The following OPCML variants were observed in gnomAD, a reference collection of about 807,000 sequenced individuals.
OPCML encodes the protein opioid-binding protein/cell adhesion molecule.
In OPCML, 13 loss-of-function variants were observed where a neutral mutation model predicts 37.8. That is an observed-to-expected ratio of 0.34 (90% CI 0.22 to 0.55). The LOEUF is 0.55. Among genes scored for constraint, OPCML ranks in the 20% least tolerant of loss-of-function variants. The pLI is 0.91. For missense variants in OPCML, 341 were observed against 435.6 expected, an observed-to-expected ratio of 0.78 and a Z score of 1.93; for synonymous variants, 176 against 168.8, an observed-to-expected ratio of 1.04 and a Z score of -0.33.
chr11:132,540,440 G>C (rs1436376987), intron 3 of OPCML, among the ~76,000 whole-genome samples: 1 of 152,184 alleles, frequency 6.6e-6, no homozygotes, highest in African/African-American at 2.4e-5. Context: ...TCAGGATCCA[G>C]TGGGGCAGCC....
At chr11:133,004,522 G>A (rs1947069580) in intron 1 of OPCML, 1 of 985,356 alleles carries the variant, frequency 1.0e-6, no homozygotes. Flanking sequence ...ACCGAGGTCG[G>A]CCTTGGCCAT....
At chr11:132,632,569 C>G (rs1383893663) in intron 3 of OPCML, among the ~76,000 whole-genome samples, 6 of 152,092 alleles carry the variant, frequency 3.9e-5, no homozygotes, top group African/African-American at 9.7e-5. Flanking sequence ...ATCATCCTAT[C>G]TCCACGCAAC....
chr11:133,358,486 G>T (rs1399260112), intron 1 of OPCML, among the ~76,000 whole-genome samples: 10 of 152,164 alleles, frequency 6.6e-5, no homozygotes, highest in Admixed American at 6.5e-4. Flanking sequence ...TCATTTAGAT[G>T]ATTCATTTAT....
At chr11:132,615,398 G>A (rs1337627076) in intron 3 of OPCML, among the ~76,000 whole-genome samples, 1 of 152,104 alleles carries the variant, frequency 6.6e-6, no homozygotes, top group Non-Finnish European at 1.5e-5. Flanking sequence ...GATTAATAAT[G>A]GTATTTTCCT....
chr11:133,140,552 G>A (rs1171280655), intron 1 of OPCML, among the ~76,000 whole-genome samples: 1 of 126,864 alleles, frequency 7.9e-6, no homozygotes, highest in Non-Finnish European at 1.6e-5. Flanking sequence ...AGAAGAAGAA[G>A]AAGAAGAAGA....
intron 1 of OPCML, among the ~76,000 whole-genome samples, chr11:132,976,440 T>C (rs1946466227): frequency 6.6e-6 from 1 of 152,186 alleles, no homozygotes. Flanking sequence ...TATGAATCTC[T>C]AACAGTTGAT....
At chr11:133,035,980 G>A (rs947679342) in intron 1 of OPCML, among the ~76,000 whole-genome samples, 12 of 152,158 alleles carry the variant, frequency 7.9e-5, no homozygotes, top group Non-Finnish European at 1.6e-4. Context: ...CCAAAACTAT[G>A]AGAAAGTGAA....
At chr11:132,453,377 G>A (rs1048233727) in intron 4 of OPCML, among the ~76,000 whole-genome samples, 1 of 152,108 alleles carries the variant, frequency 6.6e-6, no homozygotes, top group African/African-American at 2.4e-5. Context: ...GTATTGAATC[G>A]CTGACATCTC....
intron 2 of OPCML, among the ~76,000 whole-genome samples, chr11:132,674,617 G>C (rs147707653): frequency 5.3e-4 from 81 of 152,274 alleles, no homozygotes; most frequent in East Asian, 1.5e-3. Flanking sequence ...TGACTTTGAG[G>C]GTGGTGATAA....
chr11:133,516,269 A>T (rs1483790602), intron 1 of OPCML, among the ~76,000 whole-genome samples: 1 of 152,216 alleles, frequency 6.6e-6, no homozygotes, highest in Non-Finnish European at 1.5e-5. Flanking sequence ...TCCCACCAGC[A>T]GACCTGACTT....
intron 3 of OPCML, among the ~76,000 whole-genome samples, chr11:132,649,339 G>T (rs959226274): frequency 6.6e-6 from 1 of 152,160 alleles, no homozygotes; most frequent in African/African-American, 2.4e-5. Context: ...GTCATGAAAG[G>T]TCACAATCTA....
chr11:133,025,531 A>G, intron 1 of OPCML: 1 of 928,416 alleles, frequency 1.1e-6, no homozygotes, highest in Non-Finnish European at 1.3e-6. Context: ...GGTTGAAAGC[A>G]AAGCTGAAAA....
At chr11:133,338,237 G>A (rs2136664101) in intron 1 of OPCML, among the ~76,000 whole-genome samples, 1 of 152,208 alleles carries the variant, frequency 6.6e-6, no homozygotes, top group East Asian at 1.9e-4. Flanking sequence ...TCATCTCAGA[G>A]GTGATATCAA....
In OPCML at chr11:132,898,844, C is replaced by T. The variant is rs563029672; in HGVS notation, c.146+44082G>A. On this transcript the variant is annotated intron_variant, in intron 2 of 7. Transcript: ENST00000524381. ...TGAACTGGAAGTTTAGACTGCCCCC[C>T]CCACCCCCGCAGCCACTTTGGAGGC... Among the ~76,000 whole-genome samples, 18 of 151,780 alleles carry T rather than the reference C, an allele frequency of 1.2e-4. No homozygotes were observed. The East Asian group carries it at 3.1e-3, about 26-fold the overall frequency.
intron 1 of OPCML, among the ~76,000 whole-genome samples, chr11:133,244,472 G>C (rs1014205540): frequency 1.3e-5 from 2 of 152,088 alleles, no homozygotes; most frequent in African/African-American, 2.4e-5. Context: ...AACACACGGG[G>C]TATAGAACAG....
chr11:133,515,524 A>G (rs1565677996), intron 1 of OPCML, among the ~76,000 whole-genome samples: 1 of 152,246 alleles, frequency 6.6e-6, no homozygotes, highest in Non-Finnish European at 1.5e-5. Flanking sequence ...TAGGGATAAT[A>G]GAAAAATCAA....
At chr11:132,558,574 C>G (rs1042467470) in intron 3 of OPCML, among the ~76,000 whole-genome samples, 3 of 135,962 alleles carry the variant, frequency 2.2e-5, no homozygotes, top group Non-Finnish European at 3.1e-5. Flanking sequence ...AAGCCAGTAA[C>G]AAGAACAACA....
chr11:132,642,687 G>T lies in OPCML; in HGVS notation c.379+14400C>A, dbSNP rs867139454. Among the ~76,000 whole-genome samples, 4 of 152,276 alleles carry T rather than the reference G, an allele frequency of 2.6e-5. No individual in the cohort carries two copies. In the South Asian group the frequency reaches 8.3e-4, roughly 32 times the overall value. The stretch of plus-strand genomic sequence containing the variant: ...AAATAATTTTAATAAACTATAGAGG[G>T]TTGCACCTTAATGCCCAACCTCATG... On this transcript the variant is annotated intron_variant, in intron 3 of 7. Coordinates refer to ENST00000524381, the MANE Select transcript of OPCML (RefSeq NM_001012393.5).
At chr11:132,427,595 C>A (rs1464377871) in intron 7 of OPCML, among the ~76,000 whole-genome samples, 1 of 152,190 alleles carries the variant, frequency 6.6e-6, no homozygotes, top group Non-Finnish European at 1.5e-5. Context: ...CTTAACACAC[C>A]CTGTTTTGTG....
Sources: allele counts gnomAD v4.1 joint callset (sites outside exome capture counted in the v4.1 genomes callset), GRCh38; gene constraint gnomAD v4.1.1; transcripts MANE v1.5; gene names NCBI Gene and HGNC (gene_info 2026-07-23, HGNC 2026-07-21).